GRIP1: variants seen among roughly 807,000 people sequenced by gnomAD.
GRIP1 encodes glutamate receptor-interacting protein 1.
A neutral mutation model predicts 129.9 loss-of-function variants in GRIP1; 45 were observed. The ratio of observed to expected loss-of-function variants is 0.35; its 90% CI spans 0.27 to 0.44. The LOEUF is 0.44. Among genes scored for constraint, GRIP1 ranks in the 20% least tolerant of loss-of-function variants. The pLI, the probability that GRIP1 is intolerant of heterozygous loss-of-function variation, is 1.00. For missense variants in GRIP1, 1,196 were observed against 1,396.8 expected (o/e 0.86, Z 2.29); for synonymous variants, 530 against 520.8 (o/e 1.02, Z -0.24).
chr12:66,746,017 T>C (rs2036933561), intron 1 of GRIP1, among the ~76,000 whole-genome samples: 1 of 152,130 alleles, frequency 6.6e-6, no homozygotes, highest in Non-Finnish European at 1.5e-5. Context: ...CTCAAATATA[T>C]TAGCTTAGGA....
At chr12:66,920,719 A>G (rs982001001) in intron 1 of GRIP1, among the ~76,000 whole-genome samples, 1 of 152,176 alleles carries the variant, frequency 6.6e-6, no homozygotes, top group Non-Finnish European at 1.5e-5. Flanking sequence ...GCTTTCCTTA[A>G]AACTTTATCA....
chr12:66,835,431 ATGTTTATATCAT>A (rs1403596204), intron 1 of GRIP1, among the ~76,000 whole-genome samples: 2 of 152,208 alleles, frequency 1.3e-5, no homozygotes, highest in African/African-American at 2.4e-5. Context: ...AGAACTTGGA[ATGTTTATATCAT>A]TGTTTATATC....
chr12:67,013,101 A>G (rs11608342), intron 1 of GRIP1, among the ~76,000 whole-genome samples: 13,371 of 152,264 alleles, frequency 0.088, 869 homozygotes, highest in East Asian at 0.27. Context: ...ACCAAGTCAC[A>G]TAATTTGGGT....
At chr12:66,360,381 A>C (rs2054697060) in intron 23 of GRIP1, among the ~76,000 whole-genome samples, 1 of 152,102 alleles carries the variant, frequency 6.6e-6, no homozygotes, top group African/African-American at 2.4e-5. Context: ...TTGGCTTTGC[A>C]TTCTACCCTA....
intron 4 of GRIP1, among the ~76,000 whole-genome samples, chr12:66,531,232 T>G (rs2061434945): frequency 1.3e-5 from 1 of 75,094 alleles, no homozygotes; most frequent in African/African-American, 5.3e-5. Context: ...TGAGACTCTG[T>G]CTCAAAAAAA....
At chr12:66,935,487 G>T (rs556504085) in intron 1 of GRIP1, among the ~76,000 whole-genome samples, 1 of 152,230 alleles carries the variant, frequency 6.6e-6, no homozygotes, top group African/African-American at 2.4e-5. Flanking sequence ...TTTGAGTCAG[G>T]TGATATTAGC....
intron 1 of GRIP1, among the ~76,000 whole-genome samples, chr12:66,989,678 G>C (rs1300107845): frequency 6.6e-6 from 1 of 152,110 alleles, no homozygotes; most frequent in Non-Finnish European, 1.5e-5. Flanking sequence ...CTAAAGTTAA[G>C]CTTCAAATTG....
intron 23 of GRIP1, among the ~76,000 whole-genome samples, chr12:66,362,038 G>A (rs896572758): frequency 6.6e-6 from 1 of 151,826 alleles, no homozygotes; most frequent in Non-Finnish European, 1.5e-5. Flanking sequence ...AGAAATTGCC[G>A]ATGCCTGATA....
At chr12:66,705,748 A>C (rs1227847001) in intron 1 of GRIP1, among the ~76,000 whole-genome samples, 1 of 152,002 alleles carries the variant, frequency 6.6e-6, no homozygotes, top group Non-Finnish European at 1.5e-5. Flanking sequence ...CAGAAATAAC[A>C]CCACACATCT....
chr12:66,726,545 C>G (rs2036259489), intron 1 of GRIP1, among the ~76,000 whole-genome samples: 1 of 152,154 alleles, frequency 6.6e-6, no homozygotes, highest in East Asian at 1.9e-4. Flanking sequence ...TTCGCCCATT[C>G]CAGTATTTTC....
At chr12:66,834,198 A>AAT (rs968394135) in intron 1 of GRIP1, among the ~76,000 whole-genome samples, 1 of 145,832 alleles carries the variant, frequency 6.9e-6, no homozygotes, top group African/African-American at 2.5e-5. Flanking sequence ...AAAAAAAAAA[A>AAT]GGTGGGGGGA....
chr12:66,671,551 C>G (rs966518203), intron 1 of GRIP1, among the ~76,000 whole-genome samples: 1 of 152,160 alleles, frequency 6.6e-6, no homozygotes, highest in African/African-American at 2.4e-5. Context: ...CTTCAGACTT[C>G]TTAAAAGAGT....
chr12:66,899,438 A>G (rs1456073961), intron 1 of GRIP1, among the ~76,000 whole-genome samples: 4 of 145,626 alleles, frequency 2.7e-5, no homozygotes, highest in African/African-American at 8.0e-5. Flanking sequence ...ATCATAGCTC[A>G]GTACATTCTC....
chr12:66,447,954 G>A (rs548876160), intron 11 of GRIP1, among the ~76,000 whole-genome samples: 2 of 152,140 alleles, frequency 1.3e-5, no homozygotes, highest in East Asian at 1.9e-4. Flanking sequence ...GGTTTGTTTC[G>A]AGTGTCTTAC....
At chr12:66,496,673 G>A (rs2060247128) in intron 7 of GRIP1, among the ~76,000 whole-genome samples, 1 of 152,162 alleles carries the variant, frequency 6.6e-6, no homozygotes, top group Admixed American at 6.6e-5. Context: ...ACTAGAAATT[G>A]CTAATGAAAA....
At chr12:66,680,963 T>C (rs1353723915), upstream of GRIP1, among the ~76,000 whole-genome samples, 3 of 146,258 alleles carry the variant, frequency 2.1e-5, no homozygotes, top group Non-Finnish European at 1.5e-5. Flanking sequence ...CTAATATGCT[T>C]ATTTTTTTTG....
intron 1 of GRIP1, among the ~76,000 whole-genome samples, chr12:66,812,025 T>C (rs2039113838): frequency 1.3e-5 from 2 of 152,230 alleles, no homozygotes; most frequent in South Asian, 4.1e-4. Flanking sequence ...GCAAACTTAT[T>C]TGGGTTAATA....
intron 16 of GRIP1, among the ~76,000 whole-genome samples, chr12:66,398,328 A>C (rs1473732208): frequency 6.6e-6 from 1 of 151,946 alleles, no homozygotes; most frequent in Non-Finnish European, 1.5e-5. Flanking sequence ...CCTGTGCAAG[A>C]GCTGAGCTGG....
intron 1 of GRIP1, among the ~76,000 whole-genome samples, chr12:66,825,478 A>G (rs2039394503): frequency 6.6e-6 from 1 of 152,188 alleles, no homozygotes; most frequent in Admixed American, 6.5e-5. Context: ...AGGGATTAGT[A>G]AGTATAAAAT....
Sources: gnomAD v4.1 joint callset for allele counts (sites outside exome capture counted in the v4.1 genomes callset) on GRCh38, gnomAD v4.1.1 for gene constraint, MANE v1.5 for transcripts, NCBI Gene and HGNC (gene_info 2026-07-23, HGNC 2026-07-21) for gene names.